The following ADGRL2 variants were observed in gnomAD, a reference collection of about 807,000 sequenced individuals.
The protein encoded by ADGRL2 is adhesion G protein-coupled receptor L2.
ADGRL2 carries 44 observed loss-of-function variants against 157.4 expected under a neutral mutation model. The ratio of observed to expected loss-of-function variants is 0.28; its 90% CI spans 0.22 to 0.36. The LOEUF (loss-of-function observed/expected upper bound fraction) is 0.36, where lower values mean the gene tolerates loss of function less well. Among genes scored for constraint, ADGRL2 ranks in the 10% least tolerant of loss-of-function variants. ADGRL2 has a pLI of 1.00. For synonymous variants in ADGRL2, 585 were observed against 624.7 expected (o/e 0.94, Z 0.95); for missense variants, 1,510 against 1,768.9 (o/e 0.85, Z 2.63).
At chr1:81,767,300 C>A (rs2086167009) in intron 2 of ADGRL2, among the ~76,000 whole-genome samples, 1 of 152,034 alleles carries the variant, frequency 6.6e-6, no homozygotes, top group South Asian at 2.1e-4. Flanking sequence ...TTATTACACA[C>A]AGTGCTTCTA....
chr1:81,339,059 T>G (rs1001658160), intron 1 of ADGRL2, among the ~76,000 whole-genome samples: 1 of 152,206 alleles, frequency 6.6e-6, no homozygotes, highest in Non-Finnish European at 1.5e-5. Context: ...GAATGTTTAG[T>G]CTAATTTAGA....
chr1:81,411,796 C>G (rs941390045), intron 1 of ADGRL2, among the ~76,000 whole-genome samples: 3 of 150,660 alleles, frequency 2.0e-5, no homozygotes, highest in South Asian at 2.1e-4. Context: ...AGGAGAATGG[C>G]GTGAACCCGG....
At chr1:81,751,318 T>C (rs1416842424) in intron 1 of ADGRL2, among the ~76,000 whole-genome samples, 2 of 152,166 alleles carry the variant, frequency 1.3e-5, no homozygotes, top group Admixed American at 6.6e-5. Flanking sequence ...AATTATACAG[T>C]CATCACCTTA....
At chr1:81,556,392 C>T (rs1345278570) in intron 2 of ADGRL2, among the ~76,000 whole-genome samples, 1 of 133,314 alleles carries the variant, frequency 7.5e-6, no homozygotes, top group African/African-American at 2.9e-5. Flanking sequence ...GATCTTGGCT[C>T]GCTGCAACCT....
At chr1:81,798,150 AT>A (rs933617692), upstream of ADGRL2, among the ~76,000 whole-genome samples, 4 of 151,982 alleles carry the variant, frequency 2.6e-5, no homozygotes, top group African/African-American at 4.8e-5. Context: ...TTCTCATTTC[AT>A]TTTTTTCTAC....
intron 2 of ADGRL2, among the ~76,000 whole-genome samples, chr1:81,560,566 C>CT (rs1205002201): frequency 6.6e-6 from 1 of 152,230 alleles, no homozygotes; most frequent in South Asian, 2.1e-4. Context: ...TTCAACACAT[C>CT]TTTTTCTGTT....
chr1:81,757,618 G>A (rs1450471817), intron 1 of ADGRL2, among the ~76,000 whole-genome samples: 3 of 152,198 alleles, frequency 2.0e-5, no homozygotes, highest in South Asian at 2.1e-4. Context: ...CTTCCATCAC[G>A]TGGCTACACT....
chr1:81,409,246 AAGG>A (rs2076909321), intron 1 of ADGRL2, among the ~76,000 whole-genome samples: 2 of 151,590 alleles, frequency 1.3e-5, no homozygotes, highest in Admixed American at 6.6e-5. Flanking sequence ...GCAAAAATAA[AAGG>A]AGAATATAAA....
intron 2 of ADGRL2, among the ~76,000 whole-genome samples, chr1:81,890,556 A>G (rs2094234294): frequency 1.3e-5 from 2 of 152,136 alleles, no homozygotes; most frequent in Admixed American, 1.3e-4. Context: ...ACAAACAGCA[A>G]GAAGGTAATT....
chr1:81,472,420 C>A (rs1479477466), intron 2 of ADGRL2, among the ~76,000 whole-genome samples: 1 of 152,190 alleles, frequency 6.6e-6, no homozygotes, highest in Non-Finnish European at 1.5e-5. Context: ...ATTGCCTGAG[C>A]TGAGGAGTTG....
intron 17 of ADGRL2, among the ~76,000 whole-genome samples, chr1:81,976,687 C>G (rs1234947692): frequency 6.6e-6 from 1 of 151,814 alleles, no homozygotes; most frequent in African/African-American, 2.4e-5. Flanking sequence ...ATGACATAAA[C>G]AGGTTTAGAA....
At chr1:81,383,507 A>G (rs746393311) in intron 1 of ADGRL2, among the ~76,000 whole-genome samples, 2 of 152,120 alleles carry the variant, frequency 1.3e-5, no homozygotes, top group Non-Finnish European at 1.5e-5. Context: ...TCTAGAAAAG[A>G]GTTTGTCAAA....
chr1:81,768,130 T>C (rs1460163377), intron 2 of ADGRL2, among the ~76,000 whole-genome samples: 2 of 148,432 alleles, frequency 1.3e-5, no homozygotes, highest in Non-Finnish European at 3.0e-5. Context: ...ACTACAAACT[T>C]GAACTCCTGG....
intron 17 of ADGRL2, among the ~76,000 whole-genome samples, chr1:81,974,812 CA>C (rs1215625184): frequency 6.6e-6 from 1 of 151,924 alleles, no homozygotes; most frequent in African/African-American, 2.4e-5. Flanking sequence ...TTATGTTCAT[CA>C]ATATGGGTGA....
At chr1:81,605,489 A>G (rs1461878483) in intron 3 of ADGRL2, among the ~76,000 whole-genome samples, 1 of 152,212 alleles carries the variant, frequency 6.6e-6, no homozygotes, top group Non-Finnish European at 1.5e-5. Context: ...AAGGAATTTA[A>G]ACTAAGCCCC....
chr1:81,479,823 A>C (rs2147871713), intron 2 of ADGRL2, among the ~76,000 whole-genome samples: 1 of 152,306 alleles, frequency 6.6e-6, no homozygotes, highest in Non-Finnish European at 1.5e-5. Context: ...TTGTGGAATT[A>C]TTTCCTTATT....
At chr1:81,859,491 C>T (rs2093322454) in intron 2 of ADGRL2, among the ~76,000 whole-genome samples, 1 of 150,356 alleles carries the variant, frequency 6.7e-6, no homozygotes, top group East Asian at 2.0e-4. Flanking sequence ...ACTGCAACCT[C>T]CACCTTCTGG....
At chr1:81,901,472 T>C (rs1389290845) in intron 2 of ADGRL2, among the ~76,000 whole-genome samples, 2 of 152,066 alleles carry the variant, frequency 1.3e-5, no homozygotes, top group Non-Finnish European at 2.9e-5. Context: ...AGGTCTGGGA[T>C]AGAGCTTCAA....
At chr1:81,408,039 C>T (rs1351807465) in intron 1 of ADGRL2, among the ~76,000 whole-genome samples, 1 of 152,118 alleles carries the variant, frequency 6.6e-6, no homozygotes, top group African/African-American at 2.4e-5. Flanking sequence ...ACAAGACACA[C>T]ACAGGAAAAA....
Sources: allele counts gnomAD v4.1 joint callset (sites outside exome capture counted in the v4.1 genomes callset), GRCh38; gene constraint gnomAD v4.1.1; transcripts MANE v1.5; gene names NCBI Gene and HGNC (gene_info 2026-07-23, HGNC 2026-07-21).